EYS: variants seen among roughly 807,000 people sequenced by gnomAD.
The protein encoded by EYS is protein eyes shut homolog.
In EYS, 250 loss-of-function variants were observed where a neutral mutation model predicts 282.1. The ratio of observed to expected loss-of-function variants is 0.89; its 90% CI spans 0.80 to 0.98. The LOEUF is 0.98. Among genes scored for constraint, EYS ranks in the 50% least tolerant of loss-of-function variants. The pLI, the probability that EYS is intolerant of heterozygous loss-of-function variation, is 0.00. For synonymous variants in EYS, 1,355 were observed against 1,282.9 expected, an observed-to-expected ratio of 1.06 and a Z score of -1.20; for missense variants, 4,016 against 3,709.0, an observed-to-expected ratio of 1.08 and a Z score of -2.15.
chr6:64,159,004 T>A (rs1775017875), intron 31 of EYS, among the ~76,000 whole-genome samples: 1 of 151,732 alleles, frequency 6.6e-6, no homozygotes, highest in Non-Finnish European at 1.5e-5. Context: ...TGTAGATGGA[T>A]TTAAAATTAT....
At chr6:64,846,787 A>G (rs1251934785) in intron 19 of EYS, among the ~76,000 whole-genome samples, 1 of 152,128 alleles carries the variant, frequency 6.6e-6, no homozygotes, top group African/African-American at 2.4e-5. Flanking sequence ...GAAGTATTTC[A>G]TTATCTATAT....
chr6:64,185,967 C>T (rs150950827), intron 31 of EYS, among the ~76,000 whole-genome samples: 21 of 152,202 alleles, frequency 1.4e-4, no homozygotes, highest in East Asian at 1.2e-3. Flanking sequence ...TTTCACAACG[C>T]CGGGCTAAAA....
chr6:65,460,568 T>G (rs2150409333), intron 5 of EYS, among the ~76,000 whole-genome samples: 1 of 152,112 alleles, frequency 6.6e-6, no homozygotes, highest in South Asian at 2.1e-4. Context: ...AAAAATGAGA[T>G]TAAATCAAAA....
chr6:64,452,097 T>C (rs1221625086), intron 26 of EYS, among the ~76,000 whole-genome samples: 2 of 152,178 alleles, frequency 1.3e-5, no homozygotes, highest in Non-Finnish European at 2.9e-5. Context: ...CATGATTATA[T>C]ATCTAGAAAA....
intron 1 of EYS, among the ~76,000 whole-genome samples, chr6:65,686,351 C>A (rs115554828): frequency 0.012 from 1,773 of 152,114 alleles, 33 homozygotes; most frequent in African/African-American, 0.04. Context: ...GAAATCAGTC[C>A]TCCTCCAAGG....
chr6:65,579,079 T>G (rs1309143786), intron 2 of EYS, among the ~76,000 whole-genome samples: 1 of 152,164 alleles, frequency 6.6e-6, no homozygotes, highest in Admixed American at 6.6e-5. Context: ...TCTTCAAATA[T>G]GGCAGTGACC....
intron 18 of EYS, among the ~76,000 whole-genome samples, chr6:64,890,311 C>G (rs1421984394): frequency 1.3e-5 from 2 of 152,064 alleles, no homozygotes; most frequent in East Asian, 3.9e-4. Context: ...ATTCTATTAC[C>G]TTGTAAAGTA....
intron 35 of EYS, among the ~76,000 whole-genome samples, chr6:63,941,504 A>G (rs1302736934): frequency 6.6e-6 from 1 of 152,112 alleles, no homozygotes; most frequent in Non-Finnish European, 1.5e-5. Flanking sequence ...GTCTGTTCAT[A>G]TCCTTCGTCC....
chr6:64,392,993 C>G (rs1472635123), intron 28 of EYS, among the ~76,000 whole-genome samples: 1 of 152,148 alleles, frequency 6.6e-6, no homozygotes, highest in African/African-American at 2.4e-5. Flanking sequence ...GAGAATACTA[C>G]AAACACCTCT....
intron 19 of EYS, among the ~76,000 whole-genome samples, chr6:64,851,577 T>C (rs1765886436): frequency 6.6e-6 from 1 of 151,958 alleles, no homozygotes; most frequent in African/African-American, 2.4e-5. Flanking sequence ...CCATGAATAA[T>C]AAACTGGATA....
At chr6:65,328,563 T>C (rs1769687357) in intron 11 of EYS, among the ~76,000 whole-genome samples, 1 of 151,132 alleles carries the variant, frequency 6.6e-6, no homozygotes, top group African/African-American at 2.4e-5. Flanking sequence ...AAAGAAATTT[T>C]CTTTGAGAAA....
chr6:65,288,127 C>T (rs538430774), intron 12 of EYS, among the ~76,000 whole-genome samples: 14 of 151,012 alleles, frequency 9.3e-5, no homozygotes, highest in Admixed American at 2.7e-4. Context: ...TTTTTAAATT[C>T]GTTAAATATC....
At chr6:65,412,481 T>C (rs1268850076) in intron 5 of EYS, among the ~76,000 whole-genome samples, 2 of 152,202 alleles carry the variant, frequency 1.3e-5, no homozygotes, top group Non-Finnish European at 2.9e-5. Context: ...TTACTCCTCA[T>C]ATGCACCAGC....
At chr6:64,274,085 C>T (rs577479209) in intron 30 of EYS, among the ~76,000 whole-genome samples, 73 of 152,268 alleles carry the variant, frequency 4.8e-4, no homozygotes, top group African/African-American at 1.5e-3. Flanking sequence ...CAGATCCCAG[C>T]GTATAACCTT....
At chr6:64,160,060 G>A (rs987904592) in intron 31 of EYS, among the ~76,000 whole-genome samples, 1 of 152,098 alleles carries the variant, frequency 6.6e-6, no homozygotes. Context: ...TGGTAAAACC[G>A]AGTTGCCACC....
intron 30 of EYS, among the ~76,000 whole-genome samples, chr6:64,247,504 T>C (rs1225646510): frequency 1.3e-5 from 2 of 152,132 alleles, no homozygotes; most frequent in Non-Finnish European, 2.9e-5. Flanking sequence ...TAGGATTAAT[T>C]ACACACAAAT....
At chr6:64,543,514 T>C (rs1201421478) in intron 26 of EYS, among the ~76,000 whole-genome samples, 1 of 152,140 alleles carries the variant, frequency 6.6e-6, no homozygotes, top group Non-Finnish European at 1.5e-5. Context: ...TGTGGTATTA[T>C]AAATTTGGAT....
intron 19 of EYS, among the ~76,000 whole-genome samples, chr6:64,842,470 A>G (rs1259267067): frequency 6.6e-6 from 1 of 152,014 alleles, no homozygotes; most frequent in Non-Finnish European, 1.5e-5. Flanking sequence ...CGACTTTGGA[A>G]CTGACTTTCA....
chr6:63,957,552 T>C (rs1363516033), intron 35 of EYS, among the ~76,000 whole-genome samples: 1 of 141,364 alleles, frequency 7.1e-6, no homozygotes, highest in African/African-American at 2.4e-5. Context: ...TAACTGTTTG[T>C]TGACAGAATG....
Sources: gnomAD v4.1 joint callset for allele counts (sites outside exome capture counted in the v4.1 genomes callset) on GRCh38, gnomAD v4.1.1 for gene constraint, MANE v1.5 for transcripts, NCBI Gene and HGNC (gene_info 2026-07-23, HGNC 2026-07-21) for gene names.